The following STAG2 variants were observed in gnomAD, a reference collection of about 807,000 sequenced individuals.
The protein encoded by STAG2 is cohesin subunit SA-2.
Under a neutral mutation model 108.1 loss-of-function variants are expected in STAG2, and 14 were observed. That is an observed-to-expected ratio of 0.13 (90% CI 0.09 to 0.20). The LOEUF is 0.20. Among genes scored for constraint, STAG2 ranks in the 10% least tolerant of loss-of-function variants. The pLI, the probability that STAG2 is intolerant of heterozygous loss-of-function variation, is 1.00. For synonymous variants in STAG2, 307 were observed against 302.7 expected (o/e 1.01, Z -0.15); for missense variants, 440 against 940.9 (o/e 0.47, Z 6.96).
chrX:124,082,838 T>C (rs192124671), intron 28 of STAG2, among the ~76,000 whole-genome samples: 42 of 112,012 alleles, frequency 3.7e-4, no homozygotes, highest in Non-Finnish European at 2.3e-4. Flanking sequence ...TTTTTTCATG[T>C]AATATCCTTT....
intron 1 of STAG2, among the ~76,000 whole-genome samples, chrX:123,998,383 C>G (rs749946661): frequency 1.9e-5 from 2 of 105,169 alleles, no homozygotes; most frequent in African/African-American, 7.0e-5. Context: ...GTTGGCCAGG[C>G]TGGTCTCGAA....
intron 23 of STAG2, among the ~76,000 whole-genome samples, 153 bp downstream of exon 23, chrX:124,066,589 G>A (rs1267715060): frequency 9.1e-6 from 1 of 109,532 alleles, no homozygotes; most frequent in Non-Finnish European, 1.9e-5. Context: ...CAGTGGAGAG[G>A]ATATCGATAT....
At chrX:124,055,663 CATGGTGTTCAGT>C (rs72335555) in intron 13 of STAG2, among the ~76,000 whole-genome samples, 19,868 of 111,324 alleles carry the variant, frequency 0.18, 1,395 homozygotes, top group East Asian at 0.37. Flanking sequence ...CATTGCCTTA[CATGGTGTTCAGT>C]ACATGGTGGA....
At chrX:124,066,002 G>A in intron 21 of STAG2, 56 bp downstream of exon 21, 2 of 1,037,848 alleles carry the variant, frequency 1.9e-6, no homozygotes, top group South Asian at 4.8e-5. Context: ...AAACTTGCAT[G>A]TTTTGTGGGT....
chrX:124,088,240 C>T (rs950555501), intron 30 of STAG2, among the ~76,000 whole-genome samples: 6 of 104,892 alleles, frequency 5.7e-5, no homozygotes, highest in Non-Finnish European at 1.2e-4. Context: ...AGAAATCTCT[C>T]TTTTTTTTTT....
At chrX:124,027,183 G>T (rs929735650) in intron 4 of STAG2, among the ~76,000 whole-genome samples, 6 of 112,239 alleles carry the variant, frequency 5.3e-5, no homozygotes, top group African/African-American at 1.9e-4. Context: ...CTCCCAAAGT[G>T]CTGGGATTTA....
In STAG2 at chrX:123,965,715, G is replaced by A. The variant is rs5958362; in HGVS notation, c.-163+3859G>A. On this transcript the variant is annotated intron_variant, in intron 1 of 34. Transcript: ENST00000371145. ...CTTTTGAACTTAAACCAAAATCGGC[G>A]GGGCACAGTGGCTCACACCTGTAAT... Among the ~76,000 whole-genome samples the A allele has an allele frequency of 3.5e-3, 390 of 111,412 alleles. 1 individual carries two copies. Among genetic ancestry groups the A allele is most frequent in the African/African-American group, 0.012 (360 of 30,613 alleles).
Position 124,074,581 on chromosome X carries a change from A to G in STAG2, c.2534-1751A>G, listed in dbSNP as rs112837532. Among the ~76,000 whole-genome samples the G allele has an allele frequency of 6.7e-3, 741 of 111,325 alleles. 5 individuals are homozygous for G. Among genetic ancestry groups the G allele is most frequent in the African/African-American group, 0.023 (699 of 30,653 alleles). ...TTTCCATTGTTACTCATCCTCACCTAACATCTAGTATTGTAGACCCTTGGA... is the reference window on the plus strand; with the variant it reads ...TTTCCATTGTTACTCATCCTCACCTGACATCTAGTATTGTAGACCCTTGGA... On this transcript the variant is annotated intron_variant, in intron 25 of 34. Coordinates refer to ENST00000371145, the MANE Select transcript of STAG2 (RefSeq NM_001042750.2).
intron 19 of STAG2, 53 bp downstream of exon 19, chrX:124,063,258 A>T: frequency 6.6e-6 from 6 of 903,011 alleles, no homozygotes; most frequent in Non-Finnish European, 9.3e-6. Context: ...TCAGTTCATT[A>T]TATCATAGCG....
intron 1 of STAG2, among the ~76,000 whole-genome samples, chrX:123,983,974 C>CTTTTCTTTTTTTTT (rs1168788249): frequency 4.9e-5 from 3 of 61,478 alleles, no homozygotes; most frequent in African/African-American, 1.8e-4. Context: ...CTTTTCTTTT[C>CTTTTCTTTTTTTTT]TTTTTTTTTT....
intron 1 of STAG2, among the ~76,000 whole-genome samples, chrX:123,964,960 C>CTT (rs33913146): frequency 0.028 from 2,223 of 80,073 alleles, 130 homozygotes; most frequent in African/African-American, 0.096. Context: ...AGGTAAGTGC[C>CTT]TTTTTTTTTT....
intron 1 of STAG2, among the ~76,000 whole-genome samples, chrX:123,967,511 C>T (rs2054160860): frequency 2.7e-5 from 3 of 111,249 alleles, no homozygotes; most frequent in Non-Finnish European, 5.7e-5. Flanking sequence ...GGTGATCTGC[C>T]TGCCTCGGCC....
chrX:123,974,516 C>T lies in STAG2; in HGVS notation c.-163+12660C>T, dbSNP rs186940223. On this transcript the variant is annotated intron_variant, in intron 1 of 34. Transcript: ENST00000371145. ...TGCTGGGATTACAGGCATGAGCTAC[C>T]GTGCCTGGCCCCATGATCATCTTAT... 1.7e-3 allele frequency among the ~76,000 whole-genome samples: 179 copies of T among 107,708 alleles called. 2 individuals carry two copies. The highest frequency in any genetic ancestry group is 0.016 in the Admixed American group (157 of 9,976). 93.5% of individuals were successfully genotyped at this position (107,708 alleles called of 115,157 possible). A position where few individuals can be genotyped will look rare whatever the true frequency, so the allele number is the denominator to read the frequency against.
At chrX:124,081,313 A>G (rs2058956884) in intron 27 of STAG2, 67 bp from the exon 28 acceptor site, 1 of 751,292 alleles carries the variant, frequency 1.3e-6, no homozygotes, top group Non-Finnish European at 1.9e-6. Context: ...ATGAAAATGT[A>G]ATATTTTAAA....
intron 16 of STAG2, 98 bp from the exon 17 acceptor site, chrX:124,061,673 G>A (rs2058379888): frequency 6.2e-6 from 4 of 640,710 alleles, no homozygotes; most frequent in Non-Finnish European, 9.0e-6. Context: ...TCTGTTTACA[G>A]GCAGAAGAAA....
At position 124,062,910 on chromosome X, in the gene STAG2, A is replaced by G; in HGVS notation, c.1647A>G (p.Thr549=). 3 of 1,209,541 alleles carry G rather than the reference A, an allele frequency of 2.5e-6. No homozygotes were observed. The highest frequency in any genetic ancestry group is 5.9e-5 in the East Asian group (2 of 33,831). Residue 549 remains threonine, a synonymous_variant, in exon 18 of 35, where the codon ACA becomes ACG. Coordinates refer to ENST00000371145, the MANE Select transcript of STAG2 (RefSeq NM_001042750.2). The part of the protein sequence containing the change: ...VGRGTGKRVL[T]AKEKKTQLDD... ...TCTTTCTGTTCCTTTAGGTGCTTAC[A>G]GCAAAGGAGAAGAAGACACAGTTGG... is the stretch of plus-strand genomic sequence containing the variant.
intron 1 of STAG2, among the ~76,000 whole-genome samples, chrX:124,001,263 T>A (rs2056025667): frequency 9.0e-6 from 1 of 110,768 alleles, no homozygotes; most frequent in Non-Finnish European, 1.9e-5. Context: ...GCTAATTTTT[T>A]CTATTTTTAG....
Position 124,019,973 on chromosome X carries a change from A to G in STAG2, c.-162-1394A>G, listed in dbSNP as rs189116159. 4.4e-5 allele frequency among the ~76,000 whole-genome samples: 5 copies of G among 112,498 alleles called. No homozygotes were observed. In the Admixed American group the frequency reaches 4.7e-4, roughly 11 times the overall value. On this transcript the variant is annotated intron_variant, in intron 1 of 34. Coordinates refer to ENST00000371145, the MANE Select transcript of STAG2 (RefSeq NM_001042750.2). ...TTTTTTATATACGTATAATACGCAC[A>G]TGCGCGCATCTATCTTGTCTTGAGA...
intron 1 of STAG2, among the ~76,000 whole-genome samples, chrX:123,999,505 A>G (rs746151315): frequency 4.5e-5 from 5 of 111,328 alleles, no homozygotes; most frequent in South Asian, 7.6e-4. Flanking sequence ...GTGCAGTGGC[A>G]TAATCATAGC....
Sources: allele counts gnomAD v4.1 joint callset (sites outside exome capture counted in the v4.1 genomes callset), GRCh38; gene constraint gnomAD v4.1.1; transcripts MANE v1.5; gene names NCBI Gene and HGNC (gene_info 2026-07-23, HGNC 2026-07-21).